NXPE2: variants seen among roughly 807,000 people sequenced by gnomAD.
NXPE2 encodes the protein neurexophilin and PC-esterase domain family member 2.
A neutral mutation model predicts 34.4 loss-of-function variants in NXPE2; 34 were observed. That is an observed-to-expected ratio of 0.99 (90% CI 0.75 to 1.31). NXPE2 has a LOEUF of 1.31. Ranked by LOEUF, NXPE2 falls within the 40% of genes most tolerant of loss-of-function variation. The probability of loss-of-function intolerance (pLI) is 0.00; values close to 1 mark genes in which losing one functional copy is unlikely to be tolerated. For synonymous variants in NXPE2, 235 were observed against 231.3 expected (o/e 1.02, Z -0.15); for missense variants, 649 against 672.5 (o/e 0.97, Z 0.39).
the NXPE2 span, among the ~76,000 whole-genome samples, chr11:114,508,664 T>C: frequency 6.6e-6 from 1 of 152,226 alleles, no homozygotes; most frequent in Non-Finnish European, 1.5e-5. Flanking sequence ...ATTCAATAAA[T>C]GGTGCTGGGG....
At chr11:114,590,408 C>T in the NXPE2 span, among the ~76,000 whole-genome samples, 2 of 152,144 alleles carry the variant, frequency 1.3e-5, no homozygotes, top group African/African-American at 4.8e-5. Flanking sequence ...AATCCTCAAG[C>T]AACTGACAAG....
At chr11:114,639,780 A>T in the NXPE2 span, among the ~76,000 whole-genome samples, 3 of 127,128 alleles carry the variant, frequency 2.4e-5, no homozygotes, top group African/African-American at 6.1e-5. Flanking sequence ...AATAATATAA[A>T]ATATAATATA....
At chr11:114,551,006 G>C in the NXPE2 span, 13 of 653,576 alleles carry the variant, frequency 2.0e-5, no homozygotes, top group Non-Finnish European at 3.3e-5. Flanking sequence ...TGAGGTGGGG[G>C]AGGAGGGGCA....
chr11:114,645,516 A>C, the NXPE2 span, among the ~76,000 whole-genome samples: 1 of 152,174 alleles, frequency 6.6e-6, no homozygotes, highest in Non-Finnish European at 1.5e-5. Flanking sequence ...ATGATAGAAG[A>C]AAATGTTGAT....
the NXPE2 span, among the ~76,000 whole-genome samples, chr11:114,787,546 C>T: frequency 6.6e-6 from 1 of 152,124 alleles, no homozygotes; most frequent in Admixed American, 6.5e-5. Flanking sequence ...CTATAGCAAA[C>T]AATTGATCCC....
the NXPE2 span, among the ~76,000 whole-genome samples, chr11:114,626,591 G>T: frequency 2.0e-5 from 3 of 152,034 alleles, no homozygotes; most frequent in South Asian, 2.1e-4. Context: ...GCAGAAAAAC[G>T]GGAAACTCTA....
chr11:114,519,922 C>T, the NXPE2 span, among the ~76,000 whole-genome samples: 7 of 151,698 alleles, frequency 4.6e-5, no homozygotes, highest in South Asian at 8.3e-4. Flanking sequence ...GACAGAGTCT[C>T]GCTCTGTAGC....
At chr11:114,495,104 G>C in the NXPE2 span, among the ~76,000 whole-genome samples, 1 of 152,186 alleles carries the variant, frequency 6.6e-6, no homozygotes, top group Non-Finnish European at 1.5e-5. Flanking sequence ...TGGAGCTGGG[G>C]GAGGAGTGAC....
At chr11:114,793,270 C>T in the NXPE2 span, among the ~76,000 whole-genome samples, 1 of 152,082 alleles carries the variant, frequency 6.6e-6, no homozygotes, top group Admixed American at 6.5e-5. Context: ...GGATAGGGCC[C>T]CAATCATTGT....
chr11:114,689,201 A>G (rs947707774), intron 2 of NXPE2, among the ~76,000 whole-genome samples: 3 of 151,972 alleles, frequency 2.0e-5, no homozygotes, highest in Non-Finnish European at 2.9e-5. Context: ...AGATCTTTCT[A>G]TCTTCTTGAT....
chr11:114,715,262 T>C, the NXPE2 span, among the ~76,000 whole-genome samples: 5 of 152,178 alleles, frequency 3.3e-5, no homozygotes, highest in African/African-American at 1.2e-4. Flanking sequence ...AAGAGGCAAA[T>C]AGACTAATGA....
chr11:114,522,856 G>A, the NXPE2 span: 3 of 1,531,556 alleles, frequency 2.0e-6, no homozygotes, highest in Middle Eastern at 1.7e-4. Flanking sequence ...GAATTTCTAA[G>A]AGAATATAAA....
the NXPE2 span, among the ~76,000 whole-genome samples, chr11:114,642,483 C>T: frequency 6.6e-6 from 1 of 151,844 alleles, no homozygotes; most frequent in Non-Finnish European, 1.5e-5. Flanking sequence ...TCCATGTGTT[C>T]TCATTGTTCC....
chr11:114,538,075 A>T, the NXPE2 span, among the ~76,000 whole-genome samples: 1 of 152,192 alleles, frequency 6.6e-6, no homozygotes, highest in Non-Finnish European at 1.5e-5. Context: ...TGGTACCAAA[A>T]CAGAGATGTA....
At chr11:114,548,441 G>A in the NXPE2 span, among the ~76,000 whole-genome samples, 1 of 151,932 alleles carries the variant, frequency 6.6e-6, no homozygotes, top group South Asian at 2.1e-4. Context: ...CTCAATAAAT[G>A]CTAACTGGTA....
At chr11:114,736,092 T>C in the NXPE2 span, among the ~76,000 whole-genome samples, 1 of 151,990 alleles carries the variant, frequency 6.6e-6, no homozygotes, top group Non-Finnish European at 1.5e-5. Flanking sequence ...CACAAGGTAA[T>C]AGAATATCAC....
chr11:114,551,190 A>G, the NXPE2 span: 14 of 1,533,098 alleles, frequency 9.1e-6, no homozygotes, highest in East Asian at 2.4e-5. Flanking sequence ...GAAGCATTGT[A>G]TTTGAGGACA....
the NXPE2 span, among the ~76,000 whole-genome samples, chr11:114,612,087 G>A: frequency 6.6e-6 from 1 of 151,620 alleles, no homozygotes; most frequent in East Asian, 2.0e-4. Flanking sequence ...TGGATAATAA[G>A]TGTTGAGTCA....
At chr11:114,647,887 A>G in the NXPE2 span, among the ~76,000 whole-genome samples, 1 of 152,058 alleles carries the variant, frequency 6.6e-6, no homozygotes, top group Non-Finnish European at 1.5e-5. Context: ...ATTTTAGTAG[A>G]GACGAGGTTT....
Sources: allele counts gnomAD v4.1 joint callset (sites outside exome capture counted in the v4.1 genomes callset), GRCh38; gene constraint gnomAD v4.1.1; transcripts MANE v1.5; gene names NCBI Gene and HGNC (gene_info 2026-07-23, HGNC 2026-07-21).